DCAKD: variants seen among roughly 807,000 people sequenced by gnomAD.
The protein encoded by DCAKD is dephospho-CoA kinase domain-containing protein.
DCAKD carries 15 observed loss-of-function variants against 18.7 expected under a neutral mutation model. The observed-to-expected ratio is 0.80, with a 90% CI of 0.54 to 1.24. The LOEUF (loss-of-function observed/expected upper bound fraction) is 1.24. Among genes scored for constraint, DCAKD ranks in the 50% most tolerant of loss-of-function variants. The probability of loss-of-function intolerance (pLI) is 0.00; values close to 1 mark genes in which losing one functional copy is unlikely to be tolerated. For synonymous variants in DCAKD, 130 were observed against 133.0 expected, an observed-to-expected ratio of 0.98 and a Z score of 0.16; for missense variants, 301 against 322.0, an observed-to-expected ratio of 0.93 and a Z score of 0.50.
intron 1 of DCAKD, among the ~76,000 whole-genome samples, chr17:45,050,526 T>C (rs2053669887): frequency 6.6e-6 from 1 of 152,074 alleles, no homozygotes. Flanking sequence ...GGTGGGAATT[T>C]AGGGCCCTGC....
Position 45,034,166 on chromosome 17 carries a change from G to A in DCAKD, c.316+21C>T, listed in dbSNP as rs377407699. On this transcript the variant is annotated intron_variant, in intron 3 of 4. Coordinates refer to ENST00000651974, the MANE Select transcript of DCAKD (RefSeq NM_001288655.2). Reference sequence around the variant, plus strand: ...GCCCTGGAAGGAGGCCCCGCCCCCCGCCCCAGGCCCTGGCACTTACCCCGG... The same window carrying A: ...GCCCTGGAAGGAGGCCCCGCCCCCCACCCCAGGCCCTGGCACTTACCCCGG... The A allele has an allele frequency of 1.8e-4, 293 of 1,608,126 alleles. No individual in the cohort carries two copies. The highest frequency in any genetic ancestry group is 2.2e-4 in the Non-Finnish European group (263 of 1,176,654).
intron 1 of DCAKD, among the ~76,000 whole-genome samples, chr17:45,045,472 C>A (rs1003963185): frequency 6.6e-6 from 1 of 152,176 alleles, no homozygotes; most frequent in Non-Finnish European, 1.5e-5. Context: ...TGGCTCACAT[C>A]TGTAATCCCA....
intron 3 of DCAKD, chr17:45,031,789 G>A: frequency 1.0e-6 from 1 of 985,434 alleles, no homozygotes; most frequent in Non-Finnish European, 1.2e-6. Flanking sequence ...AAACCATCCT[G>A]ACTCTATTAA....
intron 3 of DCAKD, chr17:45,031,496 C>A (rs1388964614): frequency 2.1e-6 from 2 of 970,498 alleles, no homozygotes; most frequent in African/African-American, 3.5e-5. Flanking sequence ...AATATGTGAA[C>A]CATGCAGTAC....
chr17:45,054,889 C>T (rs1219735977), upstream of DCAKD, among the ~76,000 whole-genome samples: 1 of 152,138 alleles, frequency 6.6e-6, no homozygotes, highest in African/African-American at 2.4e-5. Flanking sequence ...CCAGATGACC[C>T]TACTTTTCTC....
At chr17:45,051,064 C>T (rs963978808) in intron 1 of DCAKD, among the ~76,000 whole-genome samples, 1 of 152,216 alleles carries the variant, frequency 6.6e-6, no homozygotes, top group Non-Finnish European at 1.5e-5. Context: ...TTTATACCCA[C>T]CCTATGGGAC....
chr17:45,053,107 G>A (rs576083087), upstream of DCAKD, among the ~76,000 whole-genome samples: 6 of 131,112 alleles, frequency 4.6e-5, no homozygotes, highest in African/African-American at 1.5e-4. Flanking sequence ...AGGTTGCAGT[G>A]AGCCCAAGAT....
At chr17:45,031,373 AC>A (rs765771283) in intron 3 of DCAKD, 5 of 982,834 alleles carry the variant, frequency 5.1e-6, no homozygotes, top group Non-Finnish European at 4.8e-6. Context: ...TAGCCCCCCC[AC>A]CTTCCCCACC....
At chr17:45,051,063 A>G (rs2053683569) in intron 1 of DCAKD, among the ~76,000 whole-genome samples, 1 of 152,076 alleles carries the variant, frequency 6.6e-6, no homozygotes, top group Admixed American at 6.5e-5. Context: ...CTTTATACCC[A>G]CCCTATGGGA....
intron 4 of DCAKD, among the ~76,000 whole-genome samples, chr17:45,029,717 C>T (rs2053135806): frequency 6.6e-6 from 1 of 152,174 alleles, no homozygotes; most frequent in South Asian, 2.1e-4. Context: ...GGAATATCAA[C>T]ACCTGTCCTG....
chr17:45,048,249 T>A (rs563716143), intron 1 of DCAKD, among the ~76,000 whole-genome samples: 5 of 150,474 alleles, frequency 3.3e-5, no homozygotes, highest in South Asian at 2.1e-4. Context: ...AAAAAAAAAA[T>A]TAGCTGGAAT....
intron 1 of DCAKD, among the ~76,000 whole-genome samples, chr17:45,043,555 A>C (rs968598292): frequency 8.5e-5 from 13 of 152,176 alleles, no homozygotes; most frequent in Non-Finnish European, 1.3e-4. Context: ...AAATAGTCTC[A>C]TCACACACAC....
In DCAKD at chr17:45,023,411, G is replaced by A. The variant is rs975492404; in HGVS notation, c.*1022C>T. On this transcript the variant is annotated 3_prime_UTR_variant, in exon 5 of 5. Transcript: ENST00000651974. ...AACAGCGGGCCAGGCTCTGCACTAA[G>A]AACACAGAGATGAATAAGACACTGT... The A allele has an allele frequency of 3.3e-5, 5 of 152,142 alleles. No homozygotes were observed. The highest frequency in any genetic ancestry group is 5.9e-5 in the Non-Finnish European group (4 of 68,042). The allele number at this position is 152,142 out of a possible 1,614,324, so 9.4% of individuals were successfully genotyped here.
chr17:45,061,027 C>T, exon 1 of DCAKD: 1 of 1,166,776 alleles, frequency 8.6e-7, no homozygotes, highest in Non-Finnish European at 1.1e-6. Context: ...ACTACAACTC[C>T]CATCATGCCA....
chr17:45,058,302 G>A (rs995397740), intron 1 of DCAKD, among the ~76,000 whole-genome samples: 6 of 152,064 alleles, frequency 3.9e-5, no homozygotes, highest in African/African-American at 9.7e-5. Flanking sequence ...GCGACAGAGC[G>A]AGACAGTCTC....
chr17:45,029,864 G>A (rs1193198166), intron 4 of DCAKD, among the ~76,000 whole-genome samples: 1 of 152,022 alleles, frequency 6.6e-6, no homozygotes, highest in Non-Finnish European at 1.5e-5. Context: ...GCGGGGGAGC[G>A]CTCCCCAAAC....
chr17:45,050,003 G>A (rs1366767365), intron 1 of DCAKD, among the ~76,000 whole-genome samples: 2 of 150,824 alleles, frequency 1.3e-5, no homozygotes, highest in African/African-American at 2.5e-5. Context: ...ATTACCAGGC[G>A]TGAGCCACCG....
intron 4 of DCAKD, among the ~76,000 whole-genome samples, chr17:45,029,380 C>G (rs1567830457): frequency 6.6e-6 from 1 of 152,240 alleles, no homozygotes; most frequent in African/African-American, 2.4e-5. Flanking sequence ...CCCAAAATAC[C>G]AGCAGAGCCA....
intron 1 of DCAKD, among the ~76,000 whole-genome samples, chr17:45,046,813 T>A (rs2053581613): frequency 6.6e-6 from 1 of 151,894 alleles, no homozygotes; most frequent in Non-Finnish European, 1.5e-5. Context: ...CACTCACCCA[T>A]CTCCCATGTT....
Sources: gnomAD v4.1 joint callset for allele counts (sites outside exome capture counted in the v4.1 genomes callset) on GRCh38, gnomAD v4.1.1 for gene constraint, MANE v1.5 for transcripts, NCBI Gene and HGNC (gene_info 2026-07-23, HGNC 2026-07-21) for gene names.